ZNF438: variants seen among roughly 807,000 people sequenced by gnomAD.
ZNF438 encodes the protein zinc finger protein 438.
ZNF438 carries 25 observed loss-of-function variants against 38.0 expected under a neutral mutation model. The observed-to-expected ratio is 0.66, with a 90% CI of 0.48 to 0.92. The LOEUF (loss-of-function observed/expected upper bound fraction) is 0.92. Ranked by LOEUF, ZNF438 falls within the 40% of genes least tolerant of loss-of-function variation. ZNF438 has a pLI of 0.00. For missense variants in ZNF438, 1,007 were observed against 999.6 expected, an observed-to-expected ratio of 1.01 and a Z score of -0.10; for synonymous variants, 372 against 364.1, an observed-to-expected ratio of 1.02 and a Z score of -0.25.
At chr10:30,925,221 G>A (rs753957287) in intron 2 of ZNF438, among the ~76,000 whole-genome samples, 30 of 151,110 alleles carry the variant, frequency 2.0e-4, no homozygotes, top group Non-Finnish European at 3.8e-4. Context: ...TACTCTGCTG[G>A]CTAGGATCTC....
At chr10:31,018,613 G>A (rs939658934) in intron 1 of ZNF438, among the ~76,000 whole-genome samples, 1 of 152,164 alleles carries the variant, frequency 6.6e-6, no homozygotes, top group Non-Finnish European at 1.5e-5. Flanking sequence ...CACTTCAGGC[G>A]CCAATTTTTG....
chr10:30,864,721 A>C (rs933835053), intron 4 of ZNF438, among the ~76,000 whole-genome samples: 1 of 152,200 alleles, frequency 6.6e-6, no homozygotes, highest in African/African-American at 2.4e-5. Flanking sequence ...AGCAACAAGA[A>C]AGAGTCGTTA....
chr10:31,022,359 T>C (rs2056658173), intron 1 of ZNF438, among the ~76,000 whole-genome samples: 1 of 152,202 alleles, frequency 6.6e-6, no homozygotes, highest in South Asian at 2.1e-4. Context: ...CCTCCGAGGT[T>C]CAAGCAATTC....
At chr10:30,891,605 G>A (rs779622839) in intron 3 of ZNF438, among the ~76,000 whole-genome samples, 3 of 151,954 alleles carry the variant, frequency 2.0e-5, no homozygotes, top group African/African-American at 7.3e-5. Context: ...TCAGGTTTGG[G>A]GGCCTTTCAG....
intron 1 of ZNF438, among the ~76,000 whole-genome samples, chr10:31,011,778 CA>C (rs1234063902): frequency 6.6e-6 from 1 of 152,216 alleles, no homozygotes; most frequent in Non-Finnish European, 1.5e-5. Context: ...ATCAACTCTC[CA>C]AAAAGCAGCC....
At chr10:30,867,209 A>G (rs1044002103) in intron 4 of ZNF438, among the ~76,000 whole-genome samples, 1 of 152,234 alleles carries the variant, frequency 6.6e-6, no homozygotes, top group Non-Finnish European at 1.5e-5. Context: ...CAACATATAC[A>G]ACATCACAAC....
chr10:31,010,915 AAAAAAAAG>A (rs1589712259), intron 1 of ZNF438, among the ~76,000 whole-genome samples: 2 of 106,070 alleles, frequency 1.9e-5, no homozygotes, highest in East Asian at 2.5e-4. Flanking sequence ...AAAAAAAAAA[AAAAAAAAG>A]ATTTTGTTGA....
At chr10:30,859,274 T>C (rs1588827674) in intron 4 of ZNF438, among the ~76,000 whole-genome samples, 2 of 152,268 alleles carry the variant, frequency 1.3e-5, no homozygotes, top group African/African-American at 4.8e-5. Flanking sequence ...ATATATTGTT[T>C]TGCCATATTT....
At chr10:30,918,878 A>G (rs539343058) in intron 2 of ZNF438, 1 of 152,284 alleles carries the variant, frequency 6.6e-6, no homozygotes, top group Non-Finnish European at 1.5e-5. Flanking sequence ...TAGGTATGGG[A>G]CTTTTGCTAC....
At chr10:30,981,660 G>A (rs1200814420) in intron 1 of ZNF438, among the ~76,000 whole-genome samples, 2 of 152,162 alleles carry the variant, frequency 1.3e-5, no homozygotes, top group Non-Finnish European at 1.5e-5. Context: ...GGGGGATCAT[G>A]AGATCAGGAG....
intron 2 of ZNF438, among the ~76,000 whole-genome samples, chr10:30,916,217 A>G (rs2043614803): frequency 6.6e-6 from 1 of 152,100 alleles, no homozygotes; most frequent in East Asian, 1.9e-4. Flanking sequence ...GGCATTTGAT[A>G]AACACTTGAA....
chr10:30,954,099 C>T (rs1232161224), intron 1 of ZNF438, among the ~76,000 whole-genome samples: 2 of 152,006 alleles, frequency 1.3e-5, no homozygotes, highest in Admixed American at 1.3e-4. Flanking sequence ...GCCAAGATCG[C>T]ACCACTGCAC....
At chr10:30,955,645 C>T (rs931619868) in intron 1 of ZNF438, among the ~76,000 whole-genome samples, 1 of 152,166 alleles carries the variant, frequency 6.6e-6, no homozygotes. Context: ...CAGAATACCA[C>T]CCAGTGATCT....
intron 1 of ZNF438, among the ~76,000 whole-genome samples, chr10:31,001,679 C>T (rs1330024572): frequency 2.0e-5 from 3 of 152,150 alleles, no homozygotes; most frequent in South Asian, 2.1e-4. Flanking sequence ...TATTTGGTTA[C>T]AAAATTTTGC....
intron 1 of ZNF438, among the ~76,000 whole-genome samples, chr10:31,007,594 T>C (rs2055283500): frequency 6.6e-6 from 1 of 152,180 alleles, no homozygotes; most frequent in South Asian, 2.1e-4. Flanking sequence ...CTTTTGTTTT[T>C]TGTTTGTTTG....
intron 1 of ZNF438, among the ~76,000 whole-genome samples, chr10:30,963,931 A>T (rs925946532): frequency 1.3e-5 from 2 of 152,122 alleles, no homozygotes; most frequent in African/African-American, 4.8e-5. Flanking sequence ...ATCAAACTGT[A>T]GTCATGAACA....
chr10:31,014,025 CAA>C (rs2055968090), intron 1 of ZNF438, among the ~76,000 whole-genome samples: 1 of 152,190 alleles, frequency 6.6e-6, no homozygotes, highest in Admixed American at 6.5e-5. Context: ...AAAATTCCCT[CAA>C]AGTGTTATCA....
rs141567688 is a variant in ZNF438 at position 30,947,401 on chromosome 10, A to G, written c.-191-5750T>C. Among the ~76,000 whole-genome samples the G allele has an allele frequency of 3.5e-3, 533 of 152,388 alleles. 1 individual carries two copies. Among genetic ancestry groups the G allele is most frequent in the African/African-American group, 0.012 (505 of 41,594 alleles). On this transcript the variant is annotated intron_variant, in intron 1 of 5. Coordinates refer to ENST00000413025, the Ensembl canonical transcript of ZNF438. Reference sequence around the variant, plus strand: ...GTAAAGGGAAGTGGAATTCTGTAATAAAATCTTAAAACATTGCTCTCTTCA... The same window carrying G: ...GTAAAGGGAAGTGGAATTCTGTAATGAAATCTTAAAACATTGCTCTCTTCA...
At chr10:30,905,234 C>T (rs1185248311) in intron 3 of ZNF438, among the ~76,000 whole-genome samples, 2 of 152,220 alleles carry the variant, frequency 1.3e-5, no homozygotes, top group African/African-American at 2.4e-5. Context: ...TACATCCCCA[C>T]CAGTAATGTA....
Sources: allele counts gnomAD v4.1 joint callset (sites outside exome capture counted in the v4.1 genomes callset), GRCh38; gene constraint gnomAD v4.1.1; transcripts MANE v1.5; gene names NCBI Gene and HGNC (gene_info 2026-07-23, HGNC 2026-07-21).